The following ARAP2 variants were observed in gnomAD, a reference collection of about 807,000 sequenced individuals.
ARAP2 encodes arf-GAP with Rho-GAP domain, ANK repeat and PH domain-containing protein 2.
In ARAP2, 148 loss-of-function variants were observed where a neutral mutation model predicts 194.5. That is an observed-to-expected ratio of 0.76 (90% CI 0.67 to 0.87). The LOEUF is 0.87. ARAP2 is among the 40% of genes least tolerant of loss of function. ARAP2 has a pLI of 0.00. For missense variants in ARAP2, 2,128 were observed against 1,989.7 expected, an observed-to-expected ratio of 1.07 and a Z score of -1.32; for synonymous variants, 695 against 683.5, an observed-to-expected ratio of 1.02 and a Z score of -0.26.
intron 5 of ARAP2, among the ~76,000 whole-genome samples, chr4:36,028,899 A>AT (rs533386376): frequency 7.0e-4 from 106 of 151,880 alleles, no homozygotes; most frequent in African/African-American, 2.5e-3. Flanking sequence ...TGAAAGGGCC[A>AT]TTTTTTTCTC....
chr4:36,221,202 T>C (rs1352978877), intron 2 of ARAP2, among the ~76,000 whole-genome samples: 1 of 152,076 alleles, frequency 6.6e-6, no homozygotes, highest in Non-Finnish European at 1.5e-5. Context: ...CGGTGTGTAA[T>C]AGGCTATACC....
At chr4:36,083,175 C>T (rs904685510) in intron 29 of ARAP2, among the ~76,000 whole-genome samples, 193 bp downstream of exon 29, 9 of 152,000 alleles carry the variant, frequency 5.9e-5, no homozygotes. Context: ...GTGGGAACAT[C>T]GTCCCTCCTT....
At chr4:36,013,850 A>G (rs1715018273) in intron 8 of ARAP2, among the ~76,000 whole-genome samples, 1 of 152,206 alleles carries the variant, frequency 6.6e-6, no homozygotes, top group South Asian at 2.1e-4. Flanking sequence ...TGAGTGAAAG[A>G]GACAGCAGTT....
At chr4:36,151,269 G>T (rs980600871) in intron 15 of ARAP2, among the ~76,000 whole-genome samples, 1 of 152,152 alleles carries the variant, frequency 6.6e-6, no homozygotes, top group African/African-American at 2.4e-5. Flanking sequence ...AAACAAAAAT[G>T]ACTGTGACAT....
chr4:36,238,973 C>T lies in ARAP2; in HGVS notation c.-160+5206G>A, dbSNP rs145726250. Among the ~76,000 whole-genome samples the T allele has an allele frequency of 1.8e-4, 27 of 152,074 alleles. No homozygotes were observed. The East Asian group carries it at 3.9e-3, about 22-fold the overall frequency. Reference sequence around the variant, plus strand: ...CAAAAACAAAAACAAATGTGCTTGACGAGAAAATAAAGTGTTAAGGCCAGG... The same window carrying T: ...CAAAAACAAAAACAAATGTGCTTGATGAGAAAATAAAGTGTTAAGGCCAGG... On this transcript the variant is annotated intron_variant, in intron 1 of 32. Coordinates refer to ENST00000303965, the MANE Select transcript of ARAP2 (RefSeq NM_015230.4).
chr4:36,089,739 A>G (rs1713031283), intron 28 of ARAP2, among the ~76,000 whole-genome samples: 2 of 152,034 alleles, frequency 1.3e-5, no homozygotes, highest in South Asian at 2.1e-4. Context: ...ATCTTCCTTC[A>G]TGTAATGTCT....
intron 2 of ARAP2, among the ~76,000 whole-genome samples, chr4:36,219,821 A>G (rs1279687598): frequency 6.6e-6 from 1 of 152,150 alleles, no homozygotes; most frequent in Non-Finnish European, 1.5e-5. Flanking sequence ...AATACTATAC[A>G]GCAGGAAAAA....
At chr4:36,132,087 A>C (rs1456250335) in intron 20 of ARAP2, among the ~76,000 whole-genome samples, 3 of 151,814 alleles carry the variant, frequency 2.0e-5, no homozygotes, top group Non-Finnish European at 4.4e-5. Flanking sequence ...AATATGCCTA[A>C]GTTTAATTTC....
downstream of ARAP2, among the ~76,000 whole-genome samples, chr4:36,064,160 G>A (rs1312712153): frequency 6.6e-6 from 1 of 151,350 alleles, no homozygotes; most frequent in African/African-American, 2.4e-5. Flanking sequence ...AAAATTGAGA[G>A]TGCCTTTGAG....
chr4:36,177,812 T>G lies in ARAP2; in HGVS notation c.1857+15A>C, dbSNP rs1738318975. On this transcript the variant is annotated intron_variant, in intron 9 of 32. Coordinates refer to ENST00000303965, the MANE Select transcript of ARAP2 (RefSeq NM_015230.4). ...TAAAATAGCAGCAATTTGCAATGAC[T>G]ATAACAGAGCTCACCTGTTCGTTTT... The G allele has an allele frequency of 7.6e-6, 12 of 1,579,502 alleles. No homozygotes were observed. The East Asian group carries it at 2.7e-4, about 35-fold the overall frequency.
intron 26 of ARAP2, 80 bp from the exon 27 acceptor site, chr4:36,107,773 A>T: frequency 2.1e-6 from 3 of 1,397,508 alleles, no homozygotes; most frequent in Non-Finnish European, 2.9e-6. Flanking sequence ...AATTTTAAAA[A>T]ATCCATTTGA....
intron 5 of ARAP2, among the ~76,000 whole-genome samples, chr4:36,031,579 G>T (rs1395277924): frequency 6.6e-6 from 1 of 151,924 alleles, no homozygotes; most frequent in Non-Finnish European, 1.5e-5. Flanking sequence ...AGCTAAATTG[G>T]ATCTCATATG....
downstream of ARAP2, among the ~76,000 whole-genome samples, chr4:36,062,305 G>A (rs113601865): frequency 0.01 from 1,593 of 152,250 alleles, 34 homozygotes; most frequent in African/African-American, 0.037. Context: ...ATTCAAGACC[G>A]TATTTTCTAC....
downstream of ARAP2, among the ~76,000 whole-genome samples, chr4:36,063,689 G>A (rs926386585): frequency 1.3e-5 from 2 of 152,142 alleles, no homozygotes; most frequent in African/African-American, 4.8e-5. Flanking sequence ...TGGTTTGCTG[G>A]CTTTCCAAAA....
At chr4:36,009,656 AC>A (rs1317273137) in intron 9 of ARAP2, among the ~76,000 whole-genome samples, 9 of 152,170 alleles carry the variant, frequency 5.9e-5, no homozygotes, top group African/African-American at 2.2e-4. Flanking sequence ...ATAAAAGTTG[AC>A]AAAAAGGAAG....
At chr4:36,005,876 A>G (rs1713171143) in intron 10 of ARAP2, 1 of 152,212 alleles carries the variant, frequency 6.6e-6, no homozygotes, top group Non-Finnish European at 1.5e-5. Flanking sequence ...TTTTTCTTAA[A>G]AAGTCTCTCA....
Position 36,110,126 on chromosome 4 carries a change from C to A in ARAP2, c.4157-2433G>T, listed in dbSNP as rs188245188. On this transcript the variant is annotated intron_variant, in intron 26 of 32. Coordinates refer to ENST00000303965, the MANE Select transcript of ARAP2 (RefSeq NM_015230.4). ...AAGGTGAGGAACAGAGATGTGCATCCCAAACCTATCTAACTTTAAAGCCCA... is the reference window on the plus strand; with the variant it reads ...AAGGTGAGGAACAGAGATGTGCATCACAAACCTATCTAACTTTAAAGCCCA... Among the ~76,000 whole-genome samples, 257 of 151,806 alleles carry A rather than the reference C, an allele frequency of 1.7e-3. 1 individual carries two copies. The highest frequency in any genetic ancestry group is 2.7e-3 in the Non-Finnish European group (184 of 67,852).
At position 36,128,745 on chromosome 4, in the gene ARAP2, C is replaced by T; in HGVS notation, c.3428G>A (p.Gly1143Asp). 6.8e-7 allele frequency: 1 copy of T among 1,468,030 alleles called. No homozygotes were observed. Among genetic ancestry groups the T allele is most frequent in the Non-Finnish European group, 8.9e-7 (1 of 1,117,642 alleles). The allele number at this position is 1,468,030 out of a possible 1,614,324, so 90.9% of individuals were successfully genotyped here. The change falls in exon 21 of 33, where the codon GGT becomes GAT. Residue 1143 changes from glycine to aspartate, a missense_variant and splice_region_variant. Gly to Asp is a moderately conservative substitution (Grantham distance 94, BLOSUM62 -1). Coordinates refer to ENST00000303965, the MANE Select transcript of ARAP2 (RefSeq NM_015230.4). ...TTGATAGATATATTTGCATCCTAAA[C>T]CTTTGTTTAAAAAAAAAAAGTTATA... ...NSCIAFVTQY[G>D]LGCKYIYQKN...
chr4:36,083,726 T>C (rs1450761359), intron 28 of ARAP2, among the ~76,000 whole-genome samples: 1 of 152,128 alleles, frequency 6.6e-6, no homozygotes, highest in East Asian at 1.9e-4. Context: ...TAATTCTTGA[T>C]TCAAAAACAC....
Sources: allele counts gnomAD v4.1 joint callset (sites outside exome capture counted in the v4.1 genomes callset), GRCh38; gene constraint gnomAD v4.1.1; transcripts MANE v1.5; gene names NCBI Gene and HGNC (gene_info 2026-07-23, HGNC 2026-07-21).